IPO4: variants seen among roughly 807,000 people sequenced by gnomAD.
IPO4 encodes the protein importin 4.
Under a neutral mutation model 133.5 loss-of-function variants are expected in IPO4, and 91 were observed. The observed-to-expected ratio is 0.68, with a 90% CI of 0.58 to 0.81. The LOEUF is 0.81. IPO4 is among the 30% of genes least tolerant of loss of function. The pLI, the probability that IPO4 is intolerant of heterozygous loss-of-function variation, is 0.00. For missense variants in IPO4, 1,279 were observed against 1,386.2 expected (o/e 0.92, Z 1.23); for synonymous variants, 607 against 581.6 (o/e 1.04, Z -0.63).
chr14:24,182,204 C>CCAAG (rs761105549), intron 25 of IPO4, 41 bp from the exon 26 acceptor site: 1 of 1,613,792 alleles, frequency 6.2e-7, no homozygotes, highest in African/African-American at 1.3e-5. Context: ...TCAGCCTGGG[C>CCAAG]CAAGGATAAA....
rs759946285 is a variant in IPO4 at position 24,185,863 on chromosome 14, C to T, written c.1167G>A (p.Gln389=). The change falls in exon 12 of 30, where the codon CAG becomes CAA. Residue 389 remains glutamine (Q), a splice_region_variant and synonymous_variant. Coordinates refer to ENST00000354464, the MANE Select transcript of IPO4 (RefSeq NM_024658.4). ...LSDGAGDHIR[Q]RLLPPLLQIV... is the part of the protein sequence containing the mutation. ...CCCTGGGACAGGGGAATACATACCT[C>T]TGCCTGATGTGGTCGCCAGCTCCGT... The T allele has an allele frequency of 5.2e-5, 84 of 1,612,784 alleles. No individual in the cohort carries two copies. In the East Asian group the frequency reaches 1.8e-3, roughly 35 times the overall value.
chr14:24,185,355 C>T (rs200502978), intron 13 of IPO4, 43 bp from the exon 14 acceptor site: 8 of 1,613,520 alleles, frequency 5.0e-6, no homozygotes, highest in Admixed American at 3.3e-5. Flanking sequence ...GTTCACCTGC[C>T]GGGCACACAC....
At chr14:24,185,719 T>C (rs2039210437) in intron 12 of IPO4, 142 bp downstream of exon 12, 7 of 910,648 alleles carry the variant, frequency 7.7e-6, no homozygotes, top group African/African-American at 4.9e-5. Context: ...TGGTAAGCCA[T>C]GTCATTTATC....
At chr14:24,187,341 G>T in intron 6 of IPO4, 59 bp downstream of exon 6, 1 of 1,580,822 alleles carries the variant, frequency 6.3e-7, no homozygotes, top group Non-Finnish European at 8.7e-7. Flanking sequence ...AACTTTTACG[G>T]GTGAGGACAT....
Position 24,182,308 on chromosome 14 carries a change from G to A in IPO4, c.2568C>T (p.Ala856=), listed in dbSNP as rs373205991. 19 of 1,613,856 alleles carry A rather than the reference G, an allele frequency of 1.2e-5. No homozygotes were observed. Among genetic ancestry groups the A allele is most frequent in the Middle Eastern group, 1.6e-4 (1 of 6,082 alleles). Residue 856 remains alanine, a synonymous_variant, in exon 25 of 30, where the codon GCC becomes GCT. Transcript: ENST00000354464. ...TGCACACCAATAATGGCAGGAAACC[G>A]GCAAAGAATGGGGCAAAGGAGTCTC... ...AGGDSFAPFF[A]GFLPLLVCKT...
In IPO4 at chr14:24,182,169, G is replaced by A; in HGVS notation, c.2599-6C>T. ...GCCACTGTGCAGCCCTGTTTCTGAT[G>A]GGGGAGAACAGGAAGGAGTACAGAT... On this transcript the variant is annotated splice_polypyrimidine_tract_variant and splice_region_variant and intron_variant, in intron 25 of 29. Transcript: ENST00000354464. The A allele has an allele frequency of 1.2e-6, 2 of 1,614,008 alleles. No homozygotes were observed. Among genetic ancestry groups the A allele is most frequent in the Non-Finnish European group, 8.5e-7 (1 of 1,179,952 alleles).
At position 24,183,131 on chromosome 14, in the gene IPO4, T is replaced by G; in HGVS notation, c.2266A>C (p.Met756Leu). The G allele has an allele frequency of 6.2e-7, 1 of 1,613,752 alleles. No homozygotes were observed. Among genetic ancestry groups the G allele is most frequent in the Non-Finnish European group, 8.5e-7 (1 of 1,179,908 alleles). Residue 756 changes from methionine (M) to leucine (L), a missense_variant, in exon 23 of 30, where the codon ATG (methionine) becomes CTG (leucine). This residue lies in a region of IPO4 where 575 missense variants were observed against 653.4 expected (regional missense o/e 0.88). Transcript: ENST00000354464. The stretch of plus-strand genomic sequence containing the variant: ...TCCCGCTCCCTGTTCACTGCCTGCA[T>G]GTAGGATGGCACGACTCGGGCCAGG... ...AALARVVPSY[M>L]QAVNRERERQ...
Position 24,183,175 on chromosome 14 carries a change from G to C in IPO4, c.2228-6C>G. On this transcript the variant is annotated splice_polypyrimidine_tract_variant and splice_region_variant and intron_variant, in intron 22 of 29. Transcript: ENST00000354464. ...GGCCAGGGCAGCCTGCAAAGCTGGG[G>C]ACATTATTGGCTGAAGCACCAGTCA... 6.2e-7 allele frequency: 1 copy of C among 1,610,710 alleles called. No homozygotes were observed. The highest frequency in any genetic ancestry group is 8.5e-7 in the Non-Finnish European group (1 of 1,177,450).
At chr14:24,185,365 C>G in intron 13 of IPO4, 53 bp from the exon 14 acceptor site, 1 of 1,613,398 alleles carries the variant, frequency 6.2e-7, no homozygotes, top group Non-Finnish European at 8.5e-7. Context: ...CGGGCACACA[C>G]AAGAGTGCTG....
At position 24,182,022 on chromosome 14, in the gene IPO4, C is replaced by T. The variant is rs781736565; in HGVS notation, c.2740G>A (p.Glu914Lys). The change falls in exon 26 of 30, where the codon GAG (glutamate) becomes AAG (lysine). Residue 914 changes from glutamate (E) to lysine (K), a missense_variant. Transcript: ENST00000354464. ...LLSTAQEADP[E>K]VRSNAIFGMG... ...CCGAAGATGGCATTGCTTCGCACCT[C>T]GGGGTCTGCCTCTTGGGCGGTGCTC... 28 of 1,613,402 alleles carry T rather than the reference C, an allele frequency of 1.7e-5. No homozygotes were observed. In the East Asian group the frequency reaches 2.5e-4, roughly 14 times the overall value.
In IPO4 at chr14:24,187,779, C is replaced by T. The variant is rs1185671135; in HGVS notation, c.296G>A (p.Ser99Asn). ...AATGGTGGCTGAGAGCTGGGCCAGG[C>T]TGAGGCTCACACAGTGCCTGCAAAC... The part of the protein sequence containing the change: ...QRETEHCVSL[S>N]LAQLSATIFR... The change falls in exon 5 of 30, where the codon AGC (serine) becomes AAC (asparagine). Residue 99 changes from serine to asparagine, a missense_variant. Physicochemically the swap from Ser to Asn is conservative, Grantham distance 46 (BLOSUM62 1). Around this residue, in one of 3 missense-constraint regions of IPO4, gnomAD observed 695 missense variants for 704.1 expected, o/e 0.99. Coordinates refer to ENST00000354464, the MANE Select transcript of IPO4 (RefSeq NM_024658.4). The T allele has an allele frequency of 2.5e-6, 4 of 1,614,182 alleles. No homozygotes were observed. Among genetic ancestry groups the T allele is most frequent in the Non-Finnish European group, 3.4e-6 (4 of 1,180,028 alleles).
At position 24,181,779 on chromosome 14, in the gene IPO4, G is replaced by A. The variant is rs571236753; in HGVS notation, c.2872C>T (p.Arg958Cys). The A allele has an allele frequency of 1.3e-5, 21 of 1,602,218 alleles. No individual in the cohort carries two copies. The highest frequency in any genetic ancestry group is 5.1e-5 in the Admixed American group (3 of 59,330). The change falls in exon 27 of 30, where the codon CGT becomes TGT. Residue 958 changes from arginine to cysteine, a missense_variant. Around this residue, in one of 3 missense-constraint regions of IPO4, gnomAD observed 575 missense variants for 653.4 expected, o/e 0.88. Transcript: ENST00000354464. ...LLARERHDRVRDNICGALARL... is the reference protein window; with the variant it reads ...LLARERHDRVCDNICGALARL... ...GCAAGTGCCCCACAGATGTTGTCAC[G>A]GACACGATCATGTCGCTCCCGCGCC... is the stretch of plus-strand genomic sequence containing the variant.
chr14:24,181,743 T>G lies in IPO4; in HGVS notation c.2908A>C (p.Met970Leu). 6.2e-7 allele frequency: 1 copy of G among 1,602,274 alleles called. No homozygotes were observed. Among genetic ancestry groups the G allele is most frequent in the Non-Finnish European group, 8.5e-7 (1 of 1,172,522 alleles). Residue 970 changes from methionine (M) to leucine (L), a missense_variant, in exon 27 of 30, where the codon ATG (methionine) becomes CTG (leucine). Physicochemically the swap from Met to Leu is conservative, Grantham distance 15. Coordinates refer to ENST00000354464, the MANE Select transcript of IPO4 (RefSeq NM_024658.4). ...TCTGGTTTCCTGGTGGGACTGGCCA[T>G]CAACAGGCGGGCAAGTGCCCCACAG... Reference protein sequence around the residue: ...NICGALARLLMASPTRKPEPQ... With the variant: ...NICGALARLLLASPTRKPEPQ...
Position 24,184,779 on chromosome 14 carries a change from A to C in IPO4, c.1523-16T>G. The C allele has an allele frequency of 6.2e-7, 1 of 1,609,438 alleles. No individual in the cohort carries two copies. Among genetic ancestry groups the C allele is most frequent in the Non-Finnish European group, 8.5e-7 (1 of 1,176,780 alleles). ...GCAGCCGTAGCTGCAGGATGGAAGG[A>C]CAGAATCAGAGCTGGAGAGGGCAGG... On this transcript the variant is annotated splice_polypyrimidine_tract_variant and intron_variant, in intron 15 of 29. Transcript: ENST00000354464.
chr14:24,181,662 A>G (rs1229918293), intron 27 of IPO4, 45 bp from the exon 28 acceptor site: 1 of 1,612,010 alleles, frequency 6.2e-7, no homozygotes, highest in South Asian at 1.1e-5. Flanking sequence ...GCCCTCCACC[A>G]CCCTCCCTCC....
intron 24 of IPO4, 45 bp from the exon 25 acceptor site, chr14:24,182,448 G>A (rs1374205542): frequency 1.3e-6 from 2 of 1,588,036 alleles, no homozygotes; most frequent in Non-Finnish European, 8.6e-7. Flanking sequence ...CCAGCTCAGT[G>A]ACTGTACACC....
chr14:24,186,305 G>T lies in IPO4; in HGVS notation c.987C>A (p.Pro329=). 1 of 1,608,204 alleles carries T rather than the reference G, an allele frequency of 6.2e-7. No homozygotes were observed. Among genetic ancestry groups the T allele is most frequent in the Non-Finnish European group, 8.5e-7 (1 of 1,176,356 alleles). ...ELEIELMGET[P]KHFAVQVVDM... ...ATCTCACTTGTACAGCGAAATGCTT[G>T]GGAGTCTCCCCCATCAGCTCAATCT... is the stretch of plus-strand genomic sequence containing the variant. Residue 329 remains proline (P), a synonymous_variant, in exon 10 of 30, where the codon CCC becomes CCA. Coordinates refer to ENST00000354464, the MANE Select transcript of IPO4 (RefSeq NM_024658.4).
chr14:24,182,613 T>C, intron 24 of IPO4, 179 bp downstream of exon 24: 1 of 939,770 alleles, frequency 1.1e-6, no homozygotes, highest in East Asian at 2.4e-5. Context: ...CAGTCCACAC[T>C]GCTCTCCTTC....
chr14:24,187,439 A>T lies in IPO4; in HGVS notation c.549T>A (p.Thr183=). 6.2e-7 allele frequency: 1 copy of T among 1,614,158 alleles called. No homozygotes were observed. The highest frequency in any genetic ancestry group is 8.5e-7 in the Non-Finnish European group (1 of 1,180,028). Residue 183 remains threonine (T), a synonymous_variant, in exon 6 of 30, where the codon ACT becomes ACA. Transcript: ENST00000354464. ...SPGLLFYSLR[T]LTTMAPYLST... is the part of the protein sequence containing the mutation. Reference sequence around the variant, plus strand: ...TGAGGTAGGGAGCCATGGTGGTCAGAGTGCGCAGGGAGTAGAAGAGCAGCC... The same window carrying T: ...TGAGGTAGGGAGCCATGGTGGTCAGTGTGCGCAGGGAGTAGAAGAGCAGCC...
Sources: allele counts gnomAD v4.1 joint callset, GRCh38; gene constraint gnomAD v4.1.1; regional missense constraint gnomAD v4.1.1; transcripts MANE v1.5; gene names NCBI Gene and HGNC (gene_info 2026-07-23, HGNC 2026-07-21).